Variants in SDSL observed in about 807,000 individuals in gnomAD.
SDSL encodes the protein serine dehydratase like.
SDSL carries 26 observed loss-of-function variants against 27.6 expected under a neutral mutation model. The observed-to-expected ratio is 0.94, with a 90% CI of 0.69 to 1.31. SDSL has a LOEUF of 1.31. SDSL is among the 50% of genes most tolerant of loss of function. The pLI is 0.00. For synonymous variants in SDSL, 196 were observed against 180.6 expected (o/e 1.09, Z -0.69); for missense variants, 431 against 423.5 (o/e 1.02, Z -0.16).
In SDSL at chr12:113,437,989, C is replaced by T. The variant is rs894132495; in HGVS notation, c.900C>T (p.Ser300=). Residue 300 remains serine, a synonymous_variant, in exon 8 of 8, where the codon TCC becomes TCT. Coordinates refer to ENST00000403593, the MANE Select transcript of SDSL (RefSeq NM_001304993.2). ...AGGCCGAGGGCTGCCTGCCCCCTTC[C>T]CTGACTTCAGTTGTGGTAATCGTGT... is the stretch of plus-strand genomic sequence containing the variant. ...RLQAEGCLPP[S]LTSVVVIVCG... is the part of the protein sequence containing the mutation. 8.1e-6 allele frequency: 13 copies of T among 1,614,108 alleles called. No individual in the cohort carries two copies. In the African/African-American group the frequency reaches 1.6e-4, roughly 20 times the overall value.
intron 5 of SDSL, 118 bp from the exon 6 acceptor site, chr12:113,435,211 G>T: frequency 1.7e-6 from 1 of 597,230 alleles, no homozygotes; most frequent in Non-Finnish European, 2.8e-6. Flanking sequence ...ATGGTGGGGA[G>T]GGGTTTATGT....
chr12:113,424,894 C>A (rs1455351983), intron 1 of SDSL, among the ~76,000 whole-genome samples: 2 of 152,090 alleles, frequency 1.3e-5, no homozygotes, highest in Admixed American at 1.3e-4. Flanking sequence ...CACCACCACA[C>A]CCGGCTAATT....
At position 113,437,973 on chromosome 12, in the gene SDSL, G is replaced by T. The variant is rs774776829; in HGVS notation, c.884G>T (p.Gly295Val). 1.9e-6 allele frequency: 3 copies of T among 1,614,118 alleles called. No individual in the cohort carries two copies. Among genetic ancestry groups the T allele is most frequent in the Non-Finnish European group, 2.5e-6 (3 of 1,179,962 alleles). ...CTCCTGCGGAGGCTCCAGGCCGAGGGCTGCCTGCCCCCTTCCCTGACTTCA... is the reference window on the plus strand; with the variant it reads ...CTCCTGCGGAGGCTCCAGGCCGAGGTCTGCCTGCCCCCTTCCCTGACTTCA... ...SGLLRRLQAEGCLPPSLTSVV... is the reference protein window; with the variant it reads ...SGLLRRLQAEVCLPPSLTSVV... The change falls in exon 8 of 8, where the codon GGC becomes GTC. Residue 295 changes from glycine to valine, a missense_variant. Coordinates refer to ENST00000403593, the MANE Select transcript of SDSL (RefSeq NM_001304993.2).
chr12:113,429,424 G>GCTATCCT, intron 4 of SDSL, 125 bp downstream of exon 4: 1 of 1,076,842 alleles, frequency 9.3e-7, no homozygotes, highest in Non-Finnish European at 1.3e-6. Flanking sequence ...TCCTCTCTCA[G>GCTATCCT]GATAGCTGAG....
chr12:113,432,264 CTT>C (rs544191401), intron 4 of SDSL, among the ~76,000 whole-genome samples: 146 of 133,180 alleles, frequency 1.1e-3, no homozygotes, highest in African/African-American at 3.6e-3. Flanking sequence ...TTCTTTCTTT[CTT>C]TCTTTCTTTC....
intron 6 of SDSL, among the ~76,000 whole-genome samples, chr12:113,436,407 G>A (rs1957993959): frequency 2.0e-5 from 3 of 151,730 alleles, no homozygotes; most frequent in Non-Finnish European, 4.4e-5. Flanking sequence ...TCCTGCCTTA[G>A]CCTCCCAAGT....
At chr12:113,424,312 G>T (rs930431978) in intron 1 of SDSL, among the ~76,000 whole-genome samples, 1 of 152,158 alleles carries the variant, frequency 6.6e-6, no homozygotes, top group Non-Finnish European at 1.5e-5. Context: ...ATGAGCCACC[G>T]CGCCCTGTCT....
At chr12:113,424,467 T>G (rs1448344874) in intron 1 of SDSL, among the ~76,000 whole-genome samples, 1 of 152,232 alleles carries the variant, frequency 6.6e-6, no homozygotes, top group Non-Finnish European at 1.5e-5. Context: ...TTATTTTGTT[T>G]GTCTATGCAG....
At position 113,437,960 on chromosome 12, in the gene SDSL, C is replaced by A. The variant is rs146573098; in HGVS notation, c.871C>A (p.Leu291Ile). 10,774 of 1,614,132 alleles carry A rather than the reference C, an allele frequency of 6.7e-3. 1,012 individuals are homozygous for A. The Admixed American group carries it at 0.17, about 25-fold the overall frequency. The change falls in exon 8 of 8, where the codon CTC (leucine) becomes ATC (isoleucine). Residue 291 changes from leucine (L) to isoleucine (I), a missense_variant. Leu to Ile is a conservative substitution (Grantham distance 5). Coordinates refer to ENST00000403593, the MANE Select transcript of SDSL (RefSeq NM_001304993.2). ...AAIYSGLLRR[L>I]QAEGCLPPSL... The stretch of plus-strand genomic sequence containing the variant: ...CATCTACTCAGGCCTCCTGCGGAGG[C>A]TCCAGGCCGAGGGCTGCCTGCCCCC...
chr12:113,433,254 T>G (rs1464873164), intron 4 of SDSL, among the ~76,000 whole-genome samples: 1 of 152,188 alleles, frequency 6.6e-6, no homozygotes, highest in Non-Finnish European at 1.5e-5. Flanking sequence ...TCCCCATACC[T>G]AGAACTGGGC....
In SDSL at chr12:113,435,335, C is replaced by T; in HGVS notation, c.450C>T (p.Gly150=). Residue 150 remains glycine, a synonymous_variant, in exon 6 of 8, where the codon GGC becomes GGT. Coordinates refer to ENST00000403593, the MANE Select transcript of SDSL (RefSeq NM_001304993.2). ...PPFDHPLIWK[G]HASLVQELKA... ...TCTCACCCCCCCTCCCCAGGAAAGGCCACGCCAGCCTGGTGCAGGAGCTGA... is the reference window on the plus strand; with the variant it reads ...TCTCACCCCCCCTCCCCAGGAAAGGTCACGCCAGCCTGGTGCAGGAGCTGA... The T allele has an allele frequency of 6.6e-7, 1 of 1,518,666 alleles. No individual in the cohort carries two copies. Among genetic ancestry groups the T allele is most frequent in the Non-Finnish European group, 8.8e-7 (1 of 1,131,178 alleles). 94.1% of individuals were successfully genotyped at this position (1,518,666 alleles called of 1,614,324 possible).
intron 6 of SDSL, among the ~76,000 whole-genome samples, chr12:113,435,836 G>A (rs547536836): frequency 6.6e-6 from 1 of 152,304 alleles, no homozygotes; most frequent in African/African-American, 2.4e-5. Context: ...GAAAATGTAG[G>A]CCAGGCACCA....
At chr12:113,424,801 T>A (rs1049573706) in intron 1 of SDSL, among the ~76,000 whole-genome samples, 1 of 151,954 alleles carries the variant, frequency 6.6e-6, no homozygotes, top group South Asian at 2.1e-4. Flanking sequence ...AGTGGTGAGA[T>A]CTTGGCTCAC....
At chr12:113,434,267 CT>C in intron 5 of SDSL, 45 bp downstream of exon 5, 1 of 1,437,818 alleles carries the variant, frequency 7.0e-7, no homozygotes, top group Non-Finnish European at 9.6e-7. Context: ...GCTGGGAGAC[CT>C]TCACTGAGTC....
Position 113,438,097 on chromosome 12 carries a change from C to A in SDSL, c.*18C>A, listed in dbSNP as rs748923727. 10 of 1,603,004 alleles carry A rather than the reference C, an allele frequency of 6.2e-6. No homozygotes were observed. The South Asian group carries it at 1.0e-4, about 16-fold the overall frequency. ...AGGTCTGAGGGGTCCCATCCTGGCCCCAAAGACCCCTGAGAGGCCCATGGA... is the reference window on the plus strand; with the variant it reads ...AGGTCTGAGGGGTCCCATCCTGGCCACAAAGACCCCTGAGAGGCCCATGGA... On this transcript the variant is annotated 3_prime_UTR_variant, in exon 8 of 8. Transcript: ENST00000403593.
At chr12:113,426,844 T>C (rs1379444233) in intron 1 of SDSL, among the ~76,000 whole-genome samples, 1 of 151,964 alleles carries the variant, frequency 6.6e-6, no homozygotes, top group East Asian at 1.9e-4. Context: ...GAGGCTGAGG[T>C]GGGAGGACTG....
chr12:113,423,150 C>T (rs981900996), intron 1 of SDSL, among the ~76,000 whole-genome samples: 2 of 152,322 alleles, frequency 1.3e-5, no homozygotes, highest in African/African-American at 4.8e-5. Flanking sequence ...GCCTGCTGTC[C>T]TCTTGTGAGT....
chr12:113,428,360 A>G, intron 2 of SDSL, 60 bp from the exon 3 acceptor site: 1 of 1,549,246 alleles, frequency 6.5e-7, no homozygotes, highest in Non-Finnish European at 8.8e-7. Flanking sequence ...ACGCCATTCC[A>G]CATAGGCCTT....
chr12:113,428,573 C>T (rs1375592044), intron 3 of SDSL, 114 bp downstream of exon 3: 5 of 819,956 alleles, frequency 6.1e-6, no homozygotes, highest in Non-Finnish European at 9.7e-6. Flanking sequence ...TCATCAAGGT[C>T]ATTGATGAGA....
Sources: gnomAD v4.1 joint callset for allele counts (sites outside exome capture counted in the v4.1 genomes callset) on GRCh38, gnomAD v4.1.1 for gene constraint, MANE v1.5 for transcripts, NCBI Gene and HGNC (gene_info 2026-07-23, HGNC 2026-07-21) for gene names.